Variants in RARB observed in about 807,000 individuals in gnomAD.
RARB encodes retinoic acid receptor beta, also known as HBV-activated protein.
A neutral mutation model predicts 51.9 loss-of-function variants in RARB; 17 were observed. The ratio of observed to expected loss-of-function variants is 0.33; its 90% CI spans 0.22 to 0.49. RARB has a LOEUF of 0.49. Ranked by LOEUF, RARB falls within the 20% of genes least tolerant of loss-of-function variation. The probability of loss-of-function intolerance (pLI) is 0.99; values close to 1 mark genes in which losing one functional copy is unlikely to be tolerated. For synonymous variants in RARB, 215 were observed against 195.4 expected, an observed-to-expected ratio of 1.10 and a Z score of -0.84; for missense variants, 369 against 550.8, an observed-to-expected ratio of 0.67 and a Z score of 3.30.
rs540675959 is a variant in RARB, at chr3:25,496,846, C to G, written c.307-4336C>G. 3.9e-5 allele frequency among the ~76,000 whole-genome samples: 6 copies of G among 152,124 alleles called. No homozygotes were observed. In the East Asian group the frequency reaches 1.2e-3, roughly 29 times the overall value. On this transcript the variant is annotated intron_variant, in intron 2 of 7. Coordinates refer to ENST00000330688, the MANE Select transcript of RARB (RefSeq NM_000965.5). ...GAGTACCATTACGGTGTCAGCAGTTCCAGAGTTGGTAGCAGAAAACCAGGT... is the reference window on the plus strand; with the variant it reads ...GAGTACCATTACGGTGTCAGCAGTTGCAGAGTTGGTAGCAGAAAACCAGGT...
chr3:25,045,540 A>G (rs770979794), intron 2 of RARB, among the ~76,000 whole-genome samples: 9 of 152,158 alleles, frequency 5.9e-5, no homozygotes, highest in African/African-American at 4.8e-5. Context: ...TTTGTGTTCA[A>G]CTGTCAAAAC....
chr3:25,252,970 A>G (rs1702766845), intron 5 of RARB, among the ~76,000 whole-genome samples: 1 of 152,114 alleles, frequency 6.6e-6, no homozygotes, highest in Non-Finnish European at 1.5e-5. Flanking sequence ...GGAGGGTAAT[A>G]TGCACTCTCT....
At chr3:25,538,305 A>G (rs1023515132) in intron 3 of RARB, among the ~76,000 whole-genome samples, 5 of 152,228 alleles carry the variant, frequency 3.3e-5, no homozygotes, top group Non-Finnish European at 5.9e-5. Flanking sequence ...ACTCAGTTAT[A>G]TCATTAAACC....
At chr3:24,862,208 TCTCA>T (rs773649441) in intron 2 of RARB, among the ~76,000 whole-genome samples, 4 of 152,214 alleles carry the variant, frequency 2.6e-5, no homozygotes, top group Admixed American at 6.5e-5. Flanking sequence ...GGGTTTGGTT[TCTCA>T]CTCTTGTTAT....
chr3:24,866,790 A>G (rs959968281), intron 2 of RARB, among the ~76,000 whole-genome samples: 1 of 152,148 alleles, frequency 6.6e-6, no homozygotes, highest in Non-Finnish European at 1.5e-5. Flanking sequence ...AGAGTTTTAC[A>G]CATGTAGAGC....
intron 5 of RARB, among the ~76,000 whole-genome samples, chr3:25,375,343 G>A (rs1219479184): frequency 6.6e-6 from 1 of 152,122 alleles, no homozygotes. Context: ...TGAGGACAGT[G>A]GGTGTTGTAG....
chr3:25,206,306 C>T lies in RARB; in HGVS notation c.178+31731C>T, dbSNP rs140638056. ...TAAATTTGATATTTTTAAGGCATTG[C>T]CAAGTGAAATTTGTAATTCTAAAGA... On this transcript the variant is annotated intron_variant, in intron 5 of 11. Coordinates refer to the RARB transcript ENST00000383772. Among the ~76,000 whole-genome samples the T allele has an allele frequency of 4.0e-4, 61 of 152,178 alleles. 1 individual carries two copies. The East Asian group carries it at 8.5e-3, about 21-fold the overall frequency.
At chr3:24,879,209 C>T (rs868781431) in intron 2 of RARB, among the ~76,000 whole-genome samples, 4 of 151,242 alleles carry the variant, frequency 2.6e-5, no homozygotes, top group Admixed American at 2.6e-4. Context: ...GCCGGCGGAT[C>T]ACGAGGTCAG....
intron 5 of RARB, among the ~76,000 whole-genome samples, chr3:25,422,953 TAA>T (rs1007052825): frequency 4.6e-5 from 7 of 152,272 alleles, no homozygotes; most frequent in South Asian, 2.1e-4. Flanking sequence ...TTTTGTAAAT[TAA>T]GTTTTATTAA....
chr3:25,363,232 AAG>A (rs1247315863), intron 5 of RARB, among the ~76,000 whole-genome samples: 1 of 152,148 alleles, frequency 6.6e-6, no homozygotes, highest in Non-Finnish European at 1.5e-5. Flanking sequence ...GAAGTGTTAT[AAG>A]AGGTTAGAGA....
rs533805436 is a variant in RARB at position 25,514,490 on chromosome 3, G to C, written c.448+13167G>C. Among the ~76,000 whole-genome samples the C allele has an allele frequency of 2.6e-5, 4 of 151,358 alleles. No individual in the cohort carries two copies. In the South Asian group the frequency reaches 8.4e-4, roughly 32 times the overall value. On this transcript the variant is annotated intron_variant, in intron 3 of 7. Coordinates refer to ENST00000330688, the MANE Select transcript of RARB (RefSeq NM_000965.5). The stretch of plus-strand genomic sequence containing the variant: ...GTTCCGACACTTCATTTTACCAAGC[G>C]TAAAATACCTCCATGATTAAAAAAA...
intron 3 of RARB, 120 bp from the exon 4 acceptor site, chr3:25,569,638 A>G: frequency 8.4e-7 from 1 of 1,195,048 alleles, no homozygotes; most frequent in East Asian, 2.4e-5. Flanking sequence ...ACCTCTTCCC[A>G]CTGTTTCTGT....
intron 5 of RARB, among the ~76,000 whole-genome samples, chr3:25,350,817 T>C (rs1705543673): frequency 6.6e-6 from 1 of 152,246 alleles, no homozygotes; most frequent in South Asian, 2.1e-4. Flanking sequence ...GCAGGGGCTA[T>C]GGCTGAGGTT....
At chr3:25,085,038 G>A (rs754533976) in intron 3 of RARB, among the ~76,000 whole-genome samples, 7 of 152,040 alleles carry the variant, frequency 4.6e-5, no homozygotes, top group Non-Finnish European at 8.8e-5. Context: ...CTTTAAGTTG[G>A]ATAAGCTATA....
At chr3:25,296,789 T>C (rs989036380) in intron 5 of RARB, among the ~76,000 whole-genome samples, 12 of 152,180 alleles carry the variant, frequency 7.9e-5, no homozygotes, top group Non-Finnish European at 1.8e-4. Context: ...GGAAGTCCCA[T>C]TGCTTTTGTT....
At chr3:24,916,938 G>A (rs1462701205) in intron 2 of RARB, among the ~76,000 whole-genome samples, 3 of 152,164 alleles carry the variant, frequency 2.0e-5, no homozygotes, top group Non-Finnish European at 2.9e-5. Context: ...TTGCTGAGTG[G>A]AAGAAACATA....
At chr3:25,446,802 C>CAAAAAAA (rs5847356) in intron 1 of RARB, among the ~76,000 whole-genome samples, 32 of 69,094 alleles carry the variant, frequency 4.6e-4, no homozygotes, top group African/African-American at 1.4e-3. Flanking sequence ...GACTCCGTCT[C>CAAAAAAA]AAAAAAAAAA....
rs536651542 is a variant in RARB, at chr3:25,470,054, G to A, written c.306+8713G>A. ...AGTCACGGTCCACCTGAAGCACAGC[G>A]TGCCATCATTTCAGCAATGCCCGGG... On this transcript the variant is annotated intron_variant, in intron 2 of 7. Transcript: ENST00000330688. Among the ~76,000 whole-genome samples, 130 of 152,284 alleles carry A rather than the reference G, an allele frequency of 8.5e-4. 1 individual carries two copies. The highest frequency in any genetic ancestry group is 1.5e-3 in the Non-Finnish European group (105 of 68,014).
intron 5 of RARB, among the ~76,000 whole-genome samples, chr3:25,409,754 G>A (rs548917227): frequency 2.6e-5 from 4 of 152,286 alleles, no homozygotes; most frequent in African/African-American, 9.6e-5. Context: ...CAAGCCAACT[G>A]AGCAACTCTC....
Sources: gnomAD v4.1 joint callset for allele counts (sites outside exome capture counted in the v4.1 genomes callset) on GRCh38, gnomAD v4.1.1 for gene constraint, MANE v1.5 for transcripts, NCBI Gene and HGNC (gene_info 2026-07-23, HGNC 2026-07-21) for gene names.